KCNH1: variants seen among roughly 807,000 people sequenced by gnomAD.
KCNH1 encodes potassium voltage-gated channel subfamily H member 1, also known as voltage-gated delayed rectifier potassium channel KCNH1.
A neutral mutation model predicts 69.2 loss-of-function variants in KCNH1; 27 were observed. The observed-to-expected ratio is 0.39, with a 90% CI of 0.29 to 0.54. KCNH1 has a LOEUF of 0.54. KCNH1 is among the 20% of genes least tolerant of loss of function. The pLI is 0.68. For synonymous variants in KCNH1, 456 were observed against 487.7 expected, an observed-to-expected ratio of 0.93 and a Z score of 0.86; for missense variants, 798 against 1,261.6, an observed-to-expected ratio of 0.63 and a Z score of 5.57.
At chr1:210,994,359 T>A (rs774042421) in intron 6 of KCNH1, among the ~76,000 whole-genome samples, 1 of 152,216 alleles carries the variant, frequency 6.6e-6, no homozygotes, top group African/African-American at 2.4e-5. Context: ...TGCAAAGGAA[T>A]AAGACACAAT....
At chr1:211,081,078 G>A (rs769266235) in intron 5 of KCNH1, among the ~76,000 whole-genome samples, 2 of 151,986 alleles carry the variant, frequency 1.3e-5, no homozygotes, top group African/African-American at 2.4e-5. Context: ...TCTGACAAAC[G>A]GCTAATATCC....
chr1:210,993,342 A>G (rs927835864), intron 6 of KCNH1, among the ~76,000 whole-genome samples: 2 of 152,184 alleles, frequency 1.3e-5, no homozygotes, highest in Non-Finnish European at 1.5e-5. Context: ...TTAATTTCCA[A>G]TATGTGTATA....
At chr1:210,782,987 C>T (rs1293071898) in intron 9 of KCNH1, among the ~76,000 whole-genome samples, 1 of 152,182 alleles carries the variant, frequency 6.6e-6, no homozygotes, top group Non-Finnish European at 1.5e-5. Flanking sequence ...GACACCATCT[C>T]ATTGGGCTGC....
At chr1:210,832,903 A>AATATATATATATATATATATATAT (rs1182447741) in intron 7 of KCNH1, among the ~76,000 whole-genome samples, 53 of 39,020 alleles carry the variant, frequency 1.4e-3, no homozygotes, top group Middle Eastern at 9.6e-3. Context: ...GCATTTCTCA[A>AATATATATATATATATATATATAT]ATACATATAT....
chr1:211,122,279 CTATCTCA>C (rs1381650116), intron 1 of KCNH1, among the ~76,000 whole-genome samples: 1 of 152,150 alleles, frequency 6.6e-6, no homozygotes, highest in Non-Finnish European at 1.5e-5. Flanking sequence ...CAATGAGACA[CTATCTCA>C]TACCAGTCAG....
intron 7 of KCNH1, chr1:210,860,379 T>A (rs1685952068): frequency 3.5e-6 from 5 of 1,413,378 alleles, no homozygotes; most frequent in East Asian, 4.6e-5. Context: ...GTAAGCAGAT[T>A]CCCTCAAGCT....
chr1:210,993,223 A>G (rs1688966155), intron 6 of KCNH1, among the ~76,000 whole-genome samples: 1 of 152,230 alleles, frequency 6.6e-6, no homozygotes, highest in Admixed American at 6.5e-5. Context: ...ATTAAATTTT[A>G]AGCAGCCTGG....
At chr1:211,004,407 TAA>T (rs1040856900) in intron 6 of KCNH1, among the ~76,000 whole-genome samples, 18 of 152,036 alleles carry the variant, frequency 1.2e-4, no homozygotes, top group Non-Finnish European at 2.5e-4. Flanking sequence ...TATAAGAAAG[TAA>T]AAGAGTTTAA....
chr1:210,973,511 C>A (rs1231919782), intron 6 of KCNH1, among the ~76,000 whole-genome samples: 1 of 152,030 alleles, frequency 6.6e-6, no homozygotes, highest in Non-Finnish European at 1.5e-5. Flanking sequence ...GACTCCAATT[C>A]CATTTGTCAC....
At chr1:211,090,807 T>G (rs1691038379) in intron 3 of KCNH1, 117 bp from the exon 4 acceptor site, 14 of 950,700 alleles carry the variant, frequency 1.5e-5, no homozygotes, top group Non-Finnish European at 2.1e-5. Flanking sequence ...AATGGTCTTA[T>G]TAATACTTCA....
intron 10 of KCNH1, among the ~76,000 whole-genome samples, chr1:210,735,356 T>C (rs1682850132): frequency 6.6e-6 from 1 of 152,156 alleles, no homozygotes; most frequent in Non-Finnish European, 1.5e-5. Flanking sequence ...AATTCATCTC[T>C]GTATGTCTTT....
chr1:210,758,695 T>C (rs1027153137), intron 10 of KCNH1, among the ~76,000 whole-genome samples: 2 of 152,130 alleles, frequency 1.3e-5, no homozygotes, highest in Non-Finnish European at 2.9e-5. Flanking sequence ...GAGGGGATAA[T>C]ATATCACCTT....
intron 7 of KCNH1, among the ~76,000 whole-genome samples, chr1:210,836,669 G>T (rs1260250913): frequency 6.6e-6 from 1 of 152,258 alleles, no homozygotes; most frequent in African/African-American, 2.4e-5. Flanking sequence ...AAAAATATAT[G>T]GCGTCTCTCC....
intron 7 of KCNH1, among the ~76,000 whole-genome samples, chr1:210,909,243 T>C (rs951304166): frequency 1.3e-5 from 2 of 152,244 alleles, no homozygotes; most frequent in African/African-American, 2.4e-5. Flanking sequence ...CAAACCCTTA[T>C]CAAGCTCTTC....
intron 7 of KCNH1, among the ~76,000 whole-genome samples, chr1:210,807,263 T>A (rs1288204375): frequency 1.3e-5 from 2 of 152,088 alleles, no homozygotes; most frequent in African/African-American, 4.8e-5. Flanking sequence ...CACGCTTCCC[T>A]CAGCAATCAC....
chr1:210,834,879 G>T (rs910859202), intron 7 of KCNH1, among the ~76,000 whole-genome samples: 10 of 152,006 alleles, frequency 6.6e-5, no homozygotes, highest in Non-Finnish European at 1.5e-4. Flanking sequence ...ATGGTGCCTA[G>T]ATCTTGTACT....
At position 211,016,878 on chromosome 1, in the gene KCNH1, C is replaced by T. The variant is rs1689501482; in HGVS notation, c.1032+1905G>A. On this transcript the variant is annotated intron_variant, in intron 6 of 10. Coordinates refer to ENST00000271751, the MANE Select transcript of KCNH1 (RefSeq NM_172362.3). Reference sequence around the variant, plus strand: ...GAGCTGAGATCACACCACGACATTCCAGCCTGGGTGACAGAGCAAGACTCT... The same window carrying T: ...GAGCTGAGATCACACCACGACATTCTAGCCTGGGTGACAGAGCAAGACTCT... Among the ~76,000 whole-genome samples the T allele has an allele frequency of 2.4e-5, 3 of 126,506 alleles. No individual in the cohort carries two copies. In the South Asian group the frequency reaches 7.6e-4, roughly 32 times the overall value. The allele number at this position is 126,506 out of a possible 152,430, so 83.0% of individuals were successfully genotyped here. A position where few individuals can be genotyped will look rare whatever the true frequency, so the allele number is the denominator to read the frequency against.
chr1:210,767,766 C>T (rs1237005613), intron 10 of KCNH1, among the ~76,000 whole-genome samples: 1 of 152,172 alleles, frequency 6.6e-6, no homozygotes, highest in Non-Finnish European at 1.5e-5. Context: ...AAGGATGCTA[C>T]TCTCCTCCAA....
intron 10 of KCNH1, among the ~76,000 whole-genome samples, chr1:210,763,765 C>G (rs544538652): frequency 1.1e-4 from 16 of 152,206 alleles, no homozygotes; most frequent in African/African-American, 3.9e-4. Flanking sequence ...TTGGAAGAAT[C>G]AGCATCATTA....
Sources: gnomAD v4.1 joint callset for allele counts (sites outside exome capture counted in the v4.1 genomes callset) on GRCh38, gnomAD v4.1.1 for gene constraint, MANE v1.5 for transcripts, NCBI Gene and HGNC (gene_info 2026-07-23, HGNC 2026-07-21) for gene names.